Variants in ANKRD30A observed in about 807,000 individuals in gnomAD.
The protein encoded by ANKRD30A is ankyrin repeat domain 30A.
In ANKRD30A, 170 loss-of-function variants were observed where a neutral mutation model predicts 166.3. The observed-to-expected ratio is 1.02, with a 90% CI of 0.90 to 1.16. The LOEUF (loss-of-function observed/expected upper bound fraction) is 1.16. ANKRD30A is among the 50% of genes most tolerant of loss of function. The probability of loss-of-function intolerance (pLI) is 0.00; values close to 1 mark genes in which losing one functional copy is unlikely to be tolerated. For synonymous variants in ANKRD30A, 564 were observed against 508.9 expected (o/e 1.11, Z -1.46); for missense variants, 1,630 against 1,518.0 (o/e 1.07, Z -1.23).
chr10:37,233,990 G>T (rs1843559725), downstream of ANKRD30A, among the ~76,000 whole-genome samples: 1 of 152,040 alleles, frequency 6.6e-6, no homozygotes, highest in Admixed American at 6.6e-5. Context: ...TGTAATATTT[G>T]GGAATATTGT....
intron 21 of ANKRD30A, among the ~76,000 whole-genome samples, chr10:37,171,382 A>G (rs1839550215): frequency 1.4e-5 from 2 of 148,078 alleles, no homozygotes; most frequent in Non-Finnish European, 3.0e-5. Flanking sequence ...GAAAATATTT[A>G]AAATACACGA....
chr10:37,220,021 AT>A (rs1237986421), intron 34 of ANKRD30A, 124 bp downstream of exon 34: 10 of 139,584 alleles, frequency 7.2e-5, no homozygotes, highest in Admixed American at 1.7e-4. Flanking sequence ...ATATATATAT[AT>A]ATATATAATA....
At chr10:37,198,278 A>T (rs780338189) in intron 29 of ANKRD30A, among the ~76,000 whole-genome samples, 1 of 152,060 alleles carries the variant, frequency 6.6e-6, no homozygotes, top group Admixed American at 6.6e-5. Flanking sequence ...TGTGCAGTGT[A>T]ATGTTCGGCA....
chr10:37,192,296 G>C (rs550162308), intron 25 of ANKRD30A, among the ~76,000 whole-genome samples: 1 of 151,856 alleles, frequency 6.6e-6, no homozygotes, highest in Non-Finnish European at 1.5e-5. Flanking sequence ...CGCCCTCCTC[G>C]GCCTTCCAAA....
Position 37,219,361 on chromosome 10 carries a change from A to G in ANKRD30A, c.3649A>G (p.Lys1217Glu). 1 of 1,610,524 alleles carries G rather than the reference A, an allele frequency of 6.2e-7. No homozygotes were observed. The change falls in exon 34 of 36, where the codon AAA (lysine) becomes GAA (glutamate). Residue 1217 changes from lysine (K) to glutamate (E), a missense_variant. Coordinates refer to ENST00000361713, the MANE Select transcript of ANKRD30A (RefSeq NM_052997.3). ...QDHDQIVTSRKSQEPAFHIAG... is the reference protein window; with the variant it reads ...QDHDQIVTSRESQEPAFHIAG... ...CCATGATCAAATTGTGACATCAAGA[A>G]AAAGTCAAGAACCTGCTTTCCACAT...
intron 31 of ANKRD30A, among the ~76,000 whole-genome samples, chr10:37,211,660 G>C (rs895857265): frequency 6.6e-5 from 10 of 152,056 alleles, no homozygotes; most frequent in African/African-American, 1.9e-4. Flanking sequence ...GTAATGGGAT[G>C]GCTGGGTCAA....
rs1840749921 is a variant in ANKRD30A at position 37,193,213 on chromosome 10, C to T, written c.2569C>T (p.Pro857Ser). The stretch of plus-strand genomic sequence containing the variant: ...TCCCTGCAGAATGAAAGTTTCTATT[C>T]CAACTAAAGCCTTAGAATTGATGGA... ...KAPCRMKVSIPTKALELMDMQ... is the reference protein window; with the variant it reads ...KAPCRMKVSISTKALELMDMQ... The change falls in exon 27 of 36, where the codon CCA becomes TCA. Residue 857 changes from proline to serine, a missense_variant. By Grantham distance (74) the Pro-to-Ser change is moderately conservative. This residue lies in a region of ANKRD30A where 712 missense variants were observed against 629.3 expected (regional missense o/e 1.13). Transcript: ENST00000361713. The T allele has an allele frequency of 6.2e-7, 1 of 1,611,648 alleles. No individual in the cohort carries two copies. Among genetic ancestry groups the T allele is most frequent in the East Asian group, 2.2e-5 (1 of 44,518 alleles).
chr10:37,257,335 C>CAAA, the ANKRD30A span, among the ~76,000 whole-genome samples: 1 of 143,530 alleles, frequency 7.0e-6, no homozygotes. Context: ...TTAATCTTTT[C>CAAA]AAAAAAAAAA....
chr10:37,197,856 A>C (rs1841272014), intron 29 of ANKRD30A, among the ~76,000 whole-genome samples: 1 of 152,180 alleles, frequency 6.6e-6, no homozygotes, highest in African/African-American at 2.4e-5. Flanking sequence ...TTTTACTGAT[A>C]TAACACTCGT....
chr10:37,190,224 C>T (rs560367388), intron 25 of ANKRD30A, among the ~76,000 whole-genome samples: 1 of 152,004 alleles, frequency 6.6e-6, no homozygotes, highest in Admixed American at 6.5e-5. Context: ...ACAATTCACA[C>T]TGAGATTCAG....
At chr10:37,166,875 A>C (rs1016376070) in intron 19 of ANKRD30A, among the ~76,000 whole-genome samples, 180 bp downstream of exon 19, 1 of 152,150 alleles carries the variant, frequency 6.6e-6, no homozygotes, top group African/African-American at 2.4e-5. Flanking sequence ...CTATATTGTG[A>C]GTGCTGAAGC....
chr10:37,237,522 G>T (rs1843715720), downstream of ANKRD30A, among the ~76,000 whole-genome samples: 1 of 151,898 alleles, frequency 6.6e-6, no homozygotes, highest in Non-Finnish European at 1.5e-5. Flanking sequence ...AAAAACTATT[G>T]TTTATGCGAG....
chr10:37,144,529 A>G (rs1837367982), intron 7 of ANKRD30A, among the ~76,000 whole-genome samples: 1 of 152,214 alleles, frequency 6.6e-6, no homozygotes, highest in African/African-American at 2.4e-5. Context: ...TATTTTGCTA[A>G]TATCAAAAAG....
chr10:37,251,027 C>A, the ANKRD30A span, among the ~76,000 whole-genome samples: 1 of 152,068 alleles, frequency 6.6e-6, no homozygotes, highest in Non-Finnish European at 1.5e-5. Context: ...GAAAAGGGGA[C>A]AAATAAGTGA....
chr10:37,151,400 C>G (rs1837924247), intron 11 of ANKRD30A, among the ~76,000 whole-genome samples: 1 of 152,052 alleles, frequency 6.6e-6, no homozygotes, highest in South Asian at 2.1e-4. Flanking sequence ...CAAGGTGTCA[C>G]AAACTGACTC....
intron 29 of ANKRD30A, 145 bp downstream of exon 29, chr10:37,197,625 A>C (rs529933314): frequency 7.6e-7 from 1 of 1,319,580 alleles, no homozygotes; most frequent in Admixed American, 2.6e-5. Context: ...TGATGTTTGA[A>C]AAGCTGGTAT....
At chr10:37,232,802 A>C (rs1843504080), downstream of ANKRD30A, among the ~76,000 whole-genome samples, 1 of 145,580 alleles carries the variant, frequency 6.9e-6, no homozygotes, top group Non-Finnish European at 1.5e-5. Context: ...CAAAAGAGTC[A>C]CTTGAGCCCA....
intron 7 of ANKRD30A, among the ~76,000 whole-genome samples, chr10:37,142,850 T>G (rs1837246865): frequency 6.6e-6 from 1 of 152,140 alleles, no homozygotes; most frequent in Non-Finnish European, 1.5e-5. Flanking sequence ...CCAAAAGTGC[T>G]GGGAATTCAG....
intron 31 of ANKRD30A, among the ~76,000 whole-genome samples, chr10:37,204,250 A>G (rs1369151771): frequency 2.6e-5 from 4 of 152,212 alleles, no homozygotes; most frequent in Non-Finnish European, 4.4e-5. Flanking sequence ...CTACAAGGCT[A>G]CAGTAACCAA....
Sources: allele counts gnomAD v4.1 joint callset (sites outside exome capture counted in the v4.1 genomes callset), GRCh38; gene constraint gnomAD v4.1.1; regional missense constraint gnomAD v4.1.1; transcripts MANE v1.5; gene names NCBI Gene and HGNC (gene_info 2026-07-23, HGNC 2026-07-21).